NOX4: variants seen among roughly 807,000 people sequenced by gnomAD.
NOX4 encodes NADPH oxidase 4, also known as kidney oxidase-1.
In NOX4, 69 loss-of-function variants were observed where a neutral mutation model predicts 87.6. The ratio of observed to expected loss-of-function variants is 0.79; its 90% confidence interval spans 0.65 to 0.96. The LOEUF (loss-of-function observed/expected upper bound fraction) is 0.96. NOX4 is among the 40% of genes least tolerant of loss of function. The pLI is 0.00. For synonymous variants in NOX4, 275 were observed against 238.2 expected, an observed-to-expected ratio of 1.15 and a Z score of -1.42; for missense variants, 680 against 681.5, an observed-to-expected ratio of 1.00 and a Z score of 0.02.
At chr11:89,452,126 T>C (rs1372080207) in intron 2 of NOX4, among the ~76,000 whole-genome samples, 1 of 152,208 alleles carries the variant, frequency 6.6e-6, no homozygotes, top group Non-Finnish European at 1.5e-5. Flanking sequence ...TTAATGCTAA[T>C]GTTACAATCA....
intron 11 of NOX4, among the ~76,000 whole-genome samples, chr11:89,374,827 G>A (rs1004109285): frequency 6.6e-6 from 1 of 152,150 alleles, no homozygotes; most frequent in African/African-American, 2.4e-5. Flanking sequence ...GAAAGAAAAT[G>A]GCAGTGGAAG....
the NOX4 span, among the ~76,000 whole-genome samples, chr11:89,524,078 T>G: frequency 6.6e-6 from 1 of 152,186 alleles, no homozygotes; most frequent in African/African-American, 2.4e-5. Context: ...GCTGTGGTGG[T>G]TTATGGATAT....
chr11:89,476,349 A>G (rs1330392277), intron 2 of NOX4, among the ~76,000 whole-genome samples: 1 of 152,146 alleles, frequency 6.6e-6, no homozygotes, highest in Non-Finnish European at 1.5e-5. Context: ...TGCGCAGTTC[A>G]TAAGAAAGAT....
At chr11:89,583,017 GAATAT>G in the NOX4 span, among the ~76,000 whole-genome samples, 1 of 152,036 alleles carries the variant, frequency 6.6e-6, no homozygotes, top group South Asian at 2.1e-4. Context: ...AAATATTACT[GAATAT>G]AACATTAAAA....
chr11:89,434,917 T>G (rs969315470), intron 6 of NOX4, among the ~76,000 whole-genome samples: 1 of 152,024 alleles, frequency 6.6e-6, no homozygotes, highest in Admixed American at 6.6e-5. Flanking sequence ...TCCAGAAAAT[T>G]CACACTATTC....
chr11:89,476,038 T>A (rs1946153953), intron 2 of NOX4, among the ~76,000 whole-genome samples: 1 of 152,152 alleles, frequency 6.6e-6, no homozygotes, highest in Non-Finnish European at 1.5e-5. Context: ...ACAAAACATC[T>A]CCACTCATAT....
At chr11:89,347,482 A>T (rs144350351) in intron 13 of NOX4, among the ~76,000 whole-genome samples, 2 of 152,228 alleles carry the variant, frequency 1.3e-5, no homozygotes, top group African/African-American at 2.4e-5. Flanking sequence ...AAGACTTACA[A>T]GAAAGAATTG....
chr11:89,422,107 A>G, intron 7 of NOX4, 125 bp from the exon 8 acceptor site: 1 of 517,502 alleles, frequency 1.9e-6, no homozygotes, highest in South Asian at 3.3e-5. Flanking sequence ...AGTACATCAT[A>G]TTAATCTACT....
the NOX4 span, among the ~76,000 whole-genome samples, chr11:89,514,714 G>A: frequency 6.6e-6 from 1 of 151,958 alleles, no homozygotes; most frequent in East Asian, 1.9e-4. Context: ...TGCTTTTTCT[G>A]TGTCTCCTAT....
At chr11:89,388,100 A>C (rs1391692957) in intron 11 of NOX4, among the ~76,000 whole-genome samples, 1 of 152,204 alleles carries the variant, frequency 6.6e-6, no homozygotes, top group African/African-American at 2.4e-5. Context: ...TTTAAAGTTC[A>C]ATTAGTATAG....
At chr11:89,513,771 AG>A in the NOX4 span, among the ~76,000 whole-genome samples, 1 of 152,094 alleles carries the variant, frequency 6.6e-6, no homozygotes, top group Non-Finnish European at 1.5e-5. Context: ...TACAAGTTTG[AG>A]ATGGATGAGT....
chr11:89,527,453 G>T, the NOX4 span, among the ~76,000 whole-genome samples: 1 of 152,218 alleles, frequency 6.6e-6, no homozygotes, highest in Non-Finnish European at 1.5e-5. Context: ...TCCAGGGCAT[G>T]TCAAGGGTCT....
chr11:89,377,451 G>A (rs1295730854), intron 11 of NOX4, among the ~76,000 whole-genome samples: 1 of 152,030 alleles, frequency 6.6e-6, no homozygotes, highest in African/African-American at 2.4e-5. Context: ...GGAGAAATAC[G>A]TATTTTAATA....
Position 89,475,621 on chromosome 11 carries a change from C to T in NOX4, c.153+14837G>A, listed in dbSNP as rs189114049. 4.3e-3 allele frequency among the ~76,000 whole-genome samples: 649 copies of T among 152,114 alleles called. 6 individuals are homozygous for T. Among genetic ancestry groups the T allele is most frequent in the South Asian group, 0.014 (66 of 4,828 alleles). On this transcript the variant is annotated intron_variant, in intron 2 of 17. Transcript: ENST00000263317. ...ACTGAGGATATATTAACGTAAAGCGCAGGCTTCAACAGAATAGGTTAGGAT... is the reference window on the plus strand; with the variant it reads ...ACTGAGGATATATTAACGTAAAGCGTAGGCTTCAACAGAATAGGTTAGGAT...
chr11:89,583,956 G>A, the NOX4 span, among the ~76,000 whole-genome samples: 1 of 152,096 alleles, frequency 6.6e-6, no homozygotes. Flanking sequence ...ACAACTGAAT[G>A]TATATCTGAA....
At chr11:89,542,725 G>A in the NOX4 span, among the ~76,000 whole-genome samples, 3 of 152,256 alleles carry the variant, frequency 2.0e-5, no homozygotes, top group East Asian at 5.8e-4. Flanking sequence ...TCCATGCAAT[G>A]AGCATCGCAT....
intron 2 of NOX4, among the ~76,000 whole-genome samples, chr11:89,484,726 A>C (rs1408702361): frequency 6.6e-6 from 1 of 152,206 alleles, no homozygotes; most frequent in African/African-American, 2.4e-5. Context: ...TAAATAGATA[A>C]AGAATATAAT....
At chr11:89,567,990 C>T in the NOX4 span, among the ~76,000 whole-genome samples, 2 of 152,182 alleles carry the variant, frequency 1.3e-5, no homozygotes, top group East Asian at 1.9e-4. Flanking sequence ...TCCAGCACCC[C>T]TTATCAGAGT....
chr11:89,482,764 T>C (rs963025498), intron 2 of NOX4, among the ~76,000 whole-genome samples: 3 of 152,032 alleles, frequency 2.0e-5, no homozygotes, highest in Non-Finnish European at 4.4e-5. Context: ...AAATACTTCT[T>C]AACAGATACA....
Sources: gnomAD v4.1 joint callset for allele counts (sites outside exome capture counted in the v4.1 genomes callset) on GRCh38, gnomAD v4.1.1 for gene constraint, MANE v1.5 for transcripts, NCBI Gene and HGNC (gene_info 2026-07-23, HGNC 2026-07-21) for gene names.